Variants in ESRRG observed in about 807,000 individuals in gnomAD.
ESRRG encodes estrogen related receptor gamma, also known as estrogen-related receptor gamma.
A neutral mutation model predicts 44.0 loss-of-function variants in ESRRG; 13 were observed. The observed-to-expected ratio is 0.30, with a 90% CI of 0.19 to 0.47. The LOEUF is 0.47. Among genes scored for constraint, ESRRG ranks in the 20% least tolerant of loss-of-function variants. The probability of loss-of-function intolerance (pLI) is 1.00; values close to 1 mark genes in which losing one functional copy is unlikely to be tolerated. For missense variants in ESRRG, 395 were observed against 580.6 expected, an observed-to-expected ratio of 0.68 and a Z score of 3.29; for synonymous variants, 215 against 214.6, an observed-to-expected ratio of 1.00 and a Z score of -0.02.
chr1:216,971,945 T>C (rs2071769053), intron 1 of ESRRG, among the ~76,000 whole-genome samples: 1 of 152,246 alleles, frequency 6.6e-6, no homozygotes, highest in African/African-American at 2.4e-5. Flanking sequence ...ATCATATTTG[T>C]AGCAGCAAAT....
intron 5 of ESRRG, among the ~76,000 whole-genome samples, chr1:216,536,533 A>C (rs1052004712): frequency 2.0e-5 from 3 of 151,948 alleles, no homozygotes; most frequent in Non-Finnish European, 4.4e-5. Flanking sequence ...CCAACTTATG[A>C]TTTCCCTGAC....
At chr1:216,732,669 T>G (rs1477697940) in intron 2 of ESRRG, among the ~76,000 whole-genome samples, 1 of 151,852 alleles carries the variant, frequency 6.6e-6, no homozygotes, top group Non-Finnish European at 1.5e-5. Flanking sequence ...CTGGGCATGG[T>G]GGCGTGCACA....
At chr1:216,904,206 C>CG (rs927067837) in intron 2 of ESRRG, among the ~76,000 whole-genome samples, 6 of 150,684 alleles carry the variant, frequency 4.0e-5, no homozygotes, top group East Asian at 3.9e-4. Context: ...CAATCATCAC[C>CG]CCCCCCAACT....
chr1:217,039,667 C>T (rs1288183246), intron 1 of ESRRG, among the ~76,000 whole-genome samples: 8 of 152,160 alleles, frequency 5.3e-5, no homozygotes, highest in Non-Finnish European at 7.3e-5. Flanking sequence ...TGGGTGAGTA[C>T]GCAGGGCCAA....
chr1:216,967,842 C>T (rs2070786808), intron 1 of ESRRG, among the ~76,000 whole-genome samples: 1 of 152,054 alleles, frequency 6.6e-6, no homozygotes, highest in African/African-American at 2.4e-5. Context: ...GTGACTATAC[C>T]ATTTTGCATT....
At chr1:217,010,907 C>T (rs889396372) in intron 1 of ESRRG, among the ~76,000 whole-genome samples, 2 of 152,124 alleles carry the variant, frequency 1.3e-5, no homozygotes, top group Non-Finnish European at 2.9e-5. Flanking sequence ...AGCCCCTTAC[C>T]TCCTTACCCA....
In ESRRG at chr1:216,760,901, T is replaced by A. The variant is rs535215938; in HGVS notation, c.-13-83410A>T. On this transcript the variant is annotated intron_variant, in intron 2 of 7. Transcript: ENST00000359162. ...ATAAAACATCCCAGTTGTAAGAATG[T>A]ATAAGCAGAGGAATAGAAAGGAGGG... Among the ~76,000 whole-genome samples, 15 of 152,206 alleles carry A rather than the reference T, an allele frequency of 9.9e-5. No individual in the cohort carries two copies. In the East Asian group the frequency reaches 2.9e-3, roughly 30 times the overall value.
intron 2 of ESRRG, among the ~76,000 whole-genome samples, chr1:216,740,796 C>T (rs948653490): frequency 3.9e-5 from 6 of 151,960 alleles, no homozygotes; most frequent in Admixed American, 6.6e-5. Flanking sequence ...TAGTGTTTTC[C>T]TCACTCCTAG....
chr1:216,722,604 T>TC (rs1357039325), intron 1 of ESRRG, among the ~76,000 whole-genome samples: 3 of 152,088 alleles, frequency 2.0e-5, no homozygotes, highest in African/African-American at 7.2e-5. Flanking sequence ...TAGTTTTTTT[T>TC]CCCCCCTTAA....
intron 2 of ESRRG, among the ~76,000 whole-genome samples, chr1:216,908,080 C>G (rs1299517912): frequency 1.3e-5 from 2 of 152,164 alleles, no homozygotes; most frequent in Admixed American, 6.5e-5. Flanking sequence ...ATGAGAAAAA[C>G]AGTACATTGA....
chr1:216,958,020 T>C (rs2068291910), intron 1 of ESRRG, among the ~76,000 whole-genome samples: 1 of 79,120 alleles, frequency 1.3e-5, no homozygotes, highest in African/African-American at 3.1e-5. Flanking sequence ...GTCACATGAA[T>C]GGAAACGTAT....
intron 2 of ESRRG, among the ~76,000 whole-genome samples, chr1:216,901,582 G>C (rs1442807968): frequency 6.6e-6 from 1 of 152,044 alleles, no homozygotes; most frequent in African/African-American, 2.4e-5. Context: ...TATTGCCCAG[G>C]CTGGTCTCAA....
At chr1:216,822,513 G>A (rs2095318932) in intron 2 of ESRRG, among the ~76,000 whole-genome samples, 1 of 152,098 alleles carries the variant, frequency 6.6e-6, no homozygotes, top group South Asian at 2.1e-4. Context: ...AAGGAATCAT[G>A]GCCTTAAAGT....
At chr1:216,909,384 TG>T (rs1177772975) in intron 2 of ESRRG, among the ~76,000 whole-genome samples, 1 of 152,144 alleles carries the variant, frequency 6.6e-6, no homozygotes, top group African/African-American at 2.4e-5. Flanking sequence ...CACAATACCA[TG>T]GATAGTAACC....
intron 3 of ESRRG, among the ~76,000 whole-genome samples, chr1:216,575,611 C>T (rs944698210): frequency 6.6e-6 from 1 of 152,062 alleles, no homozygotes; most frequent in Non-Finnish European, 1.5e-5. Flanking sequence ...CTATTATCAT[C>T]CCATTTTACA....
chr1:217,050,433 C>G (rs966258128), intron 1 of ESRRG, among the ~76,000 whole-genome samples: 11 of 152,166 alleles, frequency 7.2e-5, no homozygotes, highest in African/African-American at 2.7e-4. Flanking sequence ...TTGGGGACAA[C>G]TGAAGTTTGA....
chr1:216,667,860 C>T (rs549538522), intron 2 of ESRRG, among the ~76,000 whole-genome samples: 2 of 151,870 alleles, frequency 1.3e-5, no homozygotes, highest in African/African-American at 4.8e-5. Flanking sequence ...TTTTGTAAGG[C>T]CAAGGCAGGT....
At chr1:216,880,745 GA>G (rs550836860) in intron 2 of ESRRG, among the ~76,000 whole-genome samples, 95 of 152,198 alleles carry the variant, frequency 6.2e-4, no homozygotes, top group South Asian at 1.0e-3. Flanking sequence ...AATATGGCAG[GA>G]AAGTATATTA....
At chr1:216,889,311 G>A (rs1290999187) in intron 2 of ESRRG, among the ~76,000 whole-genome samples, 2 of 152,246 alleles carry the variant, frequency 1.3e-5, no homozygotes, top group African/African-American at 2.4e-5. Flanking sequence ...AAAATGCCTA[G>A]GAAATGGTCA....
Sources: allele counts gnomAD v4.1 joint callset (sites outside exome capture counted in the v4.1 genomes callset), GRCh38; gene constraint gnomAD v4.1.1; transcripts MANE v1.5; gene names NCBI Gene and HGNC (gene_info 2026-07-23, HGNC 2026-07-21).